OSBPL8: variants seen among roughly 807,000 people sequenced by gnomAD.
The protein encoded by OSBPL8 is oxysterol-binding protein-related protein 8.
Under a neutral mutation model 125.5 loss-of-function variants are expected in OSBPL8, and 59 were observed. The ratio of observed to expected loss-of-function variants is 0.47; its 90% CI spans 0.38 to 0.58. The LOEUF is 0.58. Among genes scored for constraint, OSBPL8 ranks in the 20% least tolerant of loss-of-function variants. The pLI is 0.00. For missense variants in OSBPL8, 758 were observed against 1,047.8 expected (o/e 0.72, Z 3.82); for synonymous variants, 330 against 338.9 (o/e 0.97, Z 0.29).
chr12:76,502,755 A>G (rs1250524213), intron 1 of OSBPL8, among the ~76,000 whole-genome samples: 2 of 152,184 alleles, frequency 1.3e-5, no homozygotes, highest in Admixed American at 1.3e-4. Flanking sequence ...CAGTTGAGGT[A>G]CTTGCTGAGG....
At chr12:76,557,284 T>TA (rs1362054223) in intron 1 of OSBPL8, among the ~76,000 whole-genome samples, 1 of 152,152 alleles carries the variant, frequency 6.6e-6, no homozygotes, top group Non-Finnish European at 1.5e-5. Flanking sequence ...CAAGTTGAAA[T>TA]GTACTAACAC....
chr12:76,479,909 G>A (rs1005317180), intron 2 of OSBPL8, among the ~76,000 whole-genome samples: 2 of 152,154 alleles, frequency 1.3e-5, no homozygotes, highest in Middle Eastern at 3.2e-3. Context: ...GCTCATGCCT[G>A]TAACCCCAGC....
chr12:76,544,830 AC>A (rs773607586), intron 1 of OSBPL8, among the ~76,000 whole-genome samples: 10 of 152,102 alleles, frequency 6.6e-5, no homozygotes, highest in Non-Finnish European at 1.0e-4. Flanking sequence ...TGTTACTTAA[AC>A]ACTGAGTCTA....
At chr12:76,373,470 A>T in intron 17 of OSBPL8, 37 bp from the exon 18 acceptor site, 1 of 1,445,772 alleles carries the variant, frequency 6.9e-7, no homozygotes, top group Non-Finnish European at 9.6e-7. Context: ...TTTACTTTTC[A>T]CTTATATTTA....
intron 1 of OSBPL8, among the ~76,000 whole-genome samples, chr12:76,516,183 T>A (rs1016175790): frequency 3.3e-5 from 5 of 152,208 alleles, no homozygotes; most frequent in Non-Finnish European, 7.3e-5. Flanking sequence ...CTAAAGGTAC[T>A]CTGACCTTCC....
In OSBPL8 at chr12:76,353,944, C is replaced by T. The variant is rs1951901568; in HGVS notation, c.*1945G>A. 6.6e-6 allele frequency: 1 copy of T among 152,376 alleles called. No homozygotes were observed. The highest frequency in any genetic ancestry group is 2.4e-5 in the African/African-American group (1 of 41,440). 9.4% of individuals were successfully genotyped at this position (152,376 alleles called of 1,614,324 possible). A position where few individuals can be genotyped will look rare whatever the true frequency, so the allele number is the denominator to read the frequency against. On this transcript the variant is annotated 3_prime_UTR_variant, in exon 24 of 24. Coordinates refer to ENST00000261183, the MANE Select transcript of OSBPL8 (RefSeq NM_020841.5). ...ATTTGGACCAAATGAAAACAACATA[C>T]ACGTGGATAAGACCAAAGTCCTAAG...
chr12:76,556,267 G>A (rs893586974), intron 1 of OSBPL8, among the ~76,000 whole-genome samples: 5 of 152,000 alleles, frequency 3.3e-5, no homozygotes, highest in African/African-American at 7.3e-5. Flanking sequence ...CTGGATCTTC[G>A]ACAAAGGTAA....
intron 2 of OSBPL8, among the ~76,000 whole-genome samples, chr12:76,477,539 G>C (rs1876957207): frequency 6.6e-6 from 1 of 152,070 alleles, no homozygotes; most frequent in South Asian, 2.1e-4. Flanking sequence ...AACAGTCAAG[G>C]TTCATTCAAA....
At chr12:76,412,354 G>A (rs1215295028) in intron 4 of OSBPL8, among the ~76,000 whole-genome samples, 3 of 152,090 alleles carry the variant, frequency 2.0e-5, no homozygotes, top group African/African-American at 7.2e-5. Flanking sequence ...CTTCTGCTAT[G>A]GGAAGTGATT....
At chr12:76,542,081 G>C (rs1341865351) in intron 1 of OSBPL8, among the ~76,000 whole-genome samples, 2 of 152,134 alleles carry the variant, frequency 1.3e-5, no homozygotes, top group Admixed American at 6.5e-5. Context: ...TGAGGCAGGA[G>C]AATCGCTTGA....
chr12:76,440,415 A>C (rs1200719390), intron 4 of OSBPL8, among the ~76,000 whole-genome samples: 1 of 152,076 alleles, frequency 6.6e-6, no homozygotes, highest in African/African-American at 2.4e-5. Flanking sequence ...TATTGATTTT[A>C]AATTATGAGC....
At chr12:76,413,795 ATCTTT>A (rs1444939182) in intron 4 of OSBPL8, among the ~76,000 whole-genome samples, 2 of 152,026 alleles carry the variant, frequency 1.3e-5, no homozygotes, top group African/African-American at 4.8e-5. Flanking sequence ...AAAATCGTCT[ATCTTT>A]TCTTATTATA....
chr12:76,548,283 G>A lies in OSBPL8; in HGVS notation c.-68+11114C>T, dbSNP rs910989734. On this transcript the variant is annotated intron_variant, in intron 1 of 23. Transcript: ENST00000261183. ...TGTGAGATTGATAGAAATAACAAGC[G>A]GAAAAAGCCACAGCCTCATTATAAC... 4.6e-5 allele frequency among the ~76,000 whole-genome samples: 7 copies of A among 152,172 alleles called. No homozygotes were observed. In the East Asian group the frequency reaches 7.7e-4, roughly 17 times the overall value.
chr12:76,396,817 G>A (rs1953825856), intron 8 of OSBPL8, among the ~76,000 whole-genome samples: 1 of 151,916 alleles, frequency 6.6e-6, no homozygotes, highest in African/African-American at 2.4e-5. Context: ...TATAATGCTT[G>A]TTTGTTTTTT....
chr12:76,447,523 C>A (rs1445269487), intron 4 of OSBPL8, among the ~76,000 whole-genome samples: 1 of 152,040 alleles, frequency 6.6e-6, no homozygotes, highest in Non-Finnish European at 1.5e-5. Context: ...GTCAAACACT[C>A]TACAGGACAC....
At chr12:76,538,275 T>C (rs1464966347) in intron 1 of OSBPL8, among the ~76,000 whole-genome samples, 2 of 152,236 alleles carry the variant, frequency 1.3e-5, no homozygotes, top group Non-Finnish European at 2.9e-5. Context: ...ATAATTTTTC[T>C]TTTCATGATA....
At chr12:76,455,134 T>C (rs1873877461) in intron 3 of OSBPL8, among the ~76,000 whole-genome samples, 1 of 151,696 alleles carries the variant, frequency 6.6e-6, no homozygotes, top group Non-Finnish European at 1.5e-5. Flanking sequence ...TCCCAGCTAC[T>C]TCGGAGGCTG....
At chr12:76,558,524 A>G (rs960957383) in intron 1 of OSBPL8, among the ~76,000 whole-genome samples, 3 of 152,240 alleles carry the variant, frequency 2.0e-5, no homozygotes, top group African/African-American at 7.2e-5. Flanking sequence ...AGCAGCAGAA[A>G]GGCAAAAACA....
chr12:76,499,474 G>A (rs752354723), intron 1 of OSBPL8, among the ~76,000 whole-genome samples: 3 of 152,000 alleles, frequency 2.0e-5, no homozygotes, highest in Non-Finnish European at 4.4e-5. Context: ...GCGATCAAGC[G>A]ATCCTTCCAC....
Sources: gnomAD v4.1 joint callset for allele counts (sites outside exome capture counted in the v4.1 genomes callset) on GRCh38, gnomAD v4.1.1 for gene constraint, MANE v1.5 for transcripts, NCBI Gene and HGNC (gene_info 2026-07-23, HGNC 2026-07-21) for gene names.